Variants in DCBLD1 observed in about 807,000 individuals in gnomAD.
DCBLD1 encodes the protein discoidin, CUB and LCCL domain containing 1, also known as discoidin, CUB and LCCL domain-containing protein 1.
Under a neutral mutation model 71.5 loss-of-function variants are expected in DCBLD1, and 57 were observed. That is an observed-to-expected ratio of 0.80 (90% CI 0.64 to 0.99). DCBLD1 has a LOEUF of 0.99. Ranked by LOEUF, DCBLD1 falls within the 50% of genes least tolerant of loss-of-function variation. The probability of loss-of-function intolerance (pLI) is 0.00; values close to 1 mark genes in which losing one functional copy is unlikely to be tolerated. For missense variants in DCBLD1, 891 were observed against 923.5 expected, an observed-to-expected ratio of 0.96 and a Z score of 0.46; for synonymous variants, 380 against 363.8, an observed-to-expected ratio of 1.04 and a Z score of -0.51.
At chr6:117,559,144 G>GT (rs1414655848) in intron 14 of DCBLD1, among the ~76,000 whole-genome samples, 1 of 152,180 alleles carries the variant, frequency 6.6e-6, no homozygotes, top group Non-Finnish European at 1.5e-5. Flanking sequence ...CTTATTACCT[G>GT]TTTCCTCAAA....
chr6:117,520,298 C>T (rs1778344809), intron 3 of DCBLD1, among the ~76,000 whole-genome samples: 1 of 152,170 alleles, frequency 6.6e-6, no homozygotes, highest in South Asian at 2.1e-4. Flanking sequence ...GCATCCAAGG[C>T]CATCCTGGGC....
intron 1 of DCBLD1, among the ~76,000 whole-genome samples, chr6:117,488,967 T>G (rs1777187740): frequency 1.3e-5 from 2 of 152,218 alleles, no homozygotes; most frequent in South Asian, 4.1e-4. Context: ...AGCTATTTCC[T>G]TAGGAGCTAC....
intron 14 of DCBLD1, chr6:117,547,692 C>G (rs1448237617): frequency 3.1e-6 from 3 of 976,710 alleles, no homozygotes; most frequent in Non-Finnish European, 4.8e-6. Context: ...CTGAGAAGAC[C>G]CTGCGAAGCT....
intron 12 of DCBLD1, chr6:117,544,305 T>C: frequency 2.1e-6 from 1 of 466,494 alleles, no homozygotes; most frequent in Non-Finnish European, 3.7e-6. Context: ...GATTAGTATA[T>C]ATTCTTCTAG....
intron 11 of DCBLD1, 48 bp from the exon 12 acceptor site, chr6:117,543,076 G>A: frequency 6.7e-7 from 1 of 1,489,202 alleles, no homozygotes. Flanking sequence ...ATGAAAAGTG[G>A]TTGTTGGTCA....
intron 2 of DCBLD1, chr6:117,507,961 CTGTT>C (rs1777893729): frequency 6.6e-6 from 1 of 152,156 alleles, no homozygotes; most frequent in Non-Finnish European, 1.5e-5. Context: ...TCCCTCTTGA[CTGTT>C]TGATTAAATG....
intron 2 of DCBLD1, among the ~76,000 whole-genome samples, chr6:117,515,564 T>C (rs1244868049): frequency 1.3e-5 from 2 of 152,200 alleles, no homozygotes; most frequent in Admixed American, 6.5e-5. Flanking sequence ...TTCAAACATA[T>C]CTAAAACAAA....
At position 117,506,069 on chromosome 6, in the gene DCBLD1, A is replaced by G. The variant is rs1238469816; in HGVS notation, c.325+2090A>G. The stretch of plus-strand genomic sequence containing the variant: ...AATAAAATGTATGCTCATCTGTATT[A>G]TTATTATCATTCATTATTATAGAAA... On this transcript the variant is annotated intron_variant, in intron 2 of 14. Transcript: ENST00000338728. Among the ~76,000 whole-genome samples, 3 of 152,282 alleles carry G rather than the reference A, an allele frequency of 2.0e-5. No individual in the cohort carries two copies. The East Asian group carries it at 5.8e-4, about 29-fold the overall frequency.
chr6:117,545,335 T>C (rs759538386), intron 13 of DCBLD1, 143 bp from the exon 14 acceptor site: 8 of 1,112,844 alleles, frequency 7.2e-6, no homozygotes, highest in Non-Finnish European at 1.0e-5. Flanking sequence ...CATGCTGTTC[T>C]TAGCACACAC....
intron 2 of DCBLD1, among the ~76,000 whole-genome samples, chr6:117,505,533 G>A (rs1036953673): frequency 2.0e-5 from 3 of 152,134 alleles, no homozygotes; most frequent in Non-Finnish European, 4.4e-5. Context: ...TGTTGCATAA[G>A]ACTCTGTCAC....
chr6:117,495,942 A>C (rs1777454144), intron 1 of DCBLD1, among the ~76,000 whole-genome samples: 1 of 152,260 alleles, frequency 6.6e-6, no homozygotes, highest in African/African-American at 2.4e-5. Flanking sequence ...AATCGTAGAT[A>C]GGATCTCTTT....
intron 1 of DCBLD1, among the ~76,000 whole-genome samples, chr6:117,490,629 A>G (rs1022781800): frequency 6.6e-6 from 1 of 152,176 alleles, no homozygotes; most frequent in African/African-American, 2.4e-5. Flanking sequence ...TTCTTTGGTG[A>G]GATTCTTAAT....
At chr6:117,554,527 T>A (rs1779471613), downstream of DCBLD1, among the ~76,000 whole-genome samples, 2 of 152,226 alleles carry the variant, frequency 1.3e-5, no homozygotes, top group South Asian at 4.1e-4. Context: ...ATGTTAAACA[T>A]CTGGTTATAG....
chr6:117,500,120 A>G (rs1777604389), intron 1 of DCBLD1, among the ~76,000 whole-genome samples: 1 of 152,154 alleles, frequency 6.6e-6, no homozygotes, highest in Non-Finnish European at 1.5e-5. Context: ...GCAGTTTTTC[A>G]TTTTACCCTT....
chr6:117,484,432 T>C (rs1375919828), intron 1 of DCBLD1, among the ~76,000 whole-genome samples: 1 of 152,200 alleles, frequency 6.6e-6, no homozygotes, highest in Non-Finnish European at 1.5e-5. Context: ...CACTGCAGCC[T>C]CAACCTCCTG....
intron 2 of DCBLD1, among the ~76,000 whole-genome samples, chr6:117,514,558 C>T (rs1390780502): frequency 6.7e-6 from 1 of 150,258 alleles, no homozygotes; most frequent in Non-Finnish European, 1.5e-5. Flanking sequence ...CGCCACTGCA[C>T]TCCAACATGG....
At chr6:117,552,446 C>T (rs182950618), downstream of DCBLD1, among the ~76,000 whole-genome samples, 3 of 152,284 alleles carry the variant, frequency 2.0e-5, no homozygotes, top group Admixed American at 6.5e-5. Flanking sequence ...AACAAATGCA[C>T]TTAACTGTGG....
chr6:117,569,751 GGGC>G, exon 15 of DCBLD1: 1 of 1,560,744 alleles, frequency 6.4e-7, no homozygotes, highest in Non-Finnish European at 8.6e-7. Context: ...CAACAACAAA[GGGC>G]AGTAAATTAA....
chr6:117,548,178 C>T lies in DCBLD1; in HGVS notation c.1887C>T (p.Gly629=). 2 of 1,550,342 alleles carry T rather than the reference C, an allele frequency of 1.3e-6. No individual in the cohort carries two copies. Among genetic ancestry groups the T allele is most frequent in the Non-Finnish European group, 1.7e-6 (2 of 1,146,896 alleles). ...SGYRVPGPQP[G]HKHSLSSGGF... ...ACCGCGTCCCAGGGCCCCAGCCCGG[C>T]CACAAACACTCCCTCTCCTCGGGCG... The change falls in exon 15 of 15, where the codon GGC becomes GGT. Residue 629 remains glycine (G), a synonymous_variant. Coordinates refer to ENST00000338728, the MANE Select transcript of DCBLD1 (RefSeq NM_001366458.2).
Sources: gnomAD v4.1 joint callset for allele counts (sites outside exome capture counted in the v4.1 genomes callset) on GRCh38, gnomAD v4.1.1 for gene constraint, MANE v1.5 for transcripts, NCBI Gene and HGNC (gene_info 2026-07-23, HGNC 2026-07-21) for gene names.